The following RBM23 variants were observed in gnomAD, a reference collection of about 807,000 sequenced individuals.
The protein encoded by RBM23 is probable RNA-binding protein 23.
A neutral mutation model predicts 56.2 loss-of-function variants in RBM23; 53 were observed. That is an observed-to-expected ratio of 0.94 (90% confidence interval 0.76 to 1.19). The LOEUF (loss-of-function observed/expected upper bound fraction) is 1.19. Among genes scored for constraint, RBM23 ranks in the 50% most tolerant of loss-of-function variants. The pLI, the probability that RBM23 is intolerant of heterozygous loss-of-function variation, is 0.00. For missense variants in RBM23, 642 were observed against 590.3 expected, an observed-to-expected ratio of 1.09 and a Z score of -0.91; for synonymous variants, 197 against 198.5, an observed-to-expected ratio of 0.99 and a Z score of 0.06.
intron 4 of RBM23, among the ~76,000 whole-genome samples, chr14:22,907,007 C>T (rs2041690073): frequency 6.6e-6 from 1 of 152,204 alleles, no homozygotes; most frequent in Non-Finnish European, 1.5e-5. Flanking sequence ...AACCCCATCT[C>T]TACCAGAAAT....
chr14:22,914,839 C>T (rs2043201508), intron 1 of RBM23, among the ~76,000 whole-genome samples: 1 of 151,426 alleles, frequency 6.6e-6, no homozygotes, highest in Non-Finnish European at 1.5e-5. Context: ...AAAAATTAGC[C>T]GGGCATGGTG....
At chr14:22,911,770 G>A (rs1183101546) in intron 1 of RBM23, 2 of 160,092 alleles carry the variant, frequency 1.2e-5, no homozygotes, top group Non-Finnish European at 2.8e-5. Flanking sequence ...AATTAGCTGG[G>A]TGTGGTGGCA....
intron 1 of RBM23, among the ~76,000 whole-genome samples, chr14:22,916,344 C>A (rs1469819471): frequency 6.6e-6 from 1 of 151,694 alleles, no homozygotes; most frequent in African/African-American, 2.4e-5. Flanking sequence ...GCAACCTCTG[C>A]CTCTCTAGCT....
In RBM23 at chr14:22,901,593, G is replaced by A; in HGVS notation, c.*137C>T. 8 of 1,287,806 alleles carry A rather than the reference G, an allele frequency of 6.2e-6. No individual in the cohort carries two copies. The highest frequency in any genetic ancestry group is 8.8e-6 in the Non-Finnish European group (8 of 906,954). 79.8% of individuals were successfully genotyped at this position (1,287,806 alleles called of 1,614,324 possible). On this transcript the variant is annotated 3_prime_UTR_variant, in exon 14 of 14. Coordinates refer to ENST00000359890, the MANE Select transcript of RBM23 (RefSeq NM_001077351.2). ...AGCTTTTCTTGGTATCTTAAGGGTG[G>A]CCCCAATTTCCTCAGAGACAATGTC...
chr14:22,905,218 C>A lies in RBM23; in HGVS notation c.602G>T (p.Arg201Leu). 2 of 1,614,150 alleles carry A rather than the reference C, an allele frequency of 1.2e-6. No individual in the cohort carries two copies. The highest frequency in any genetic ancestry group is 1.7e-6 in the Non-Finnish European group (2 of 1,180,028). ...AATGCCCTTAGAACGACGTGAGTTC[C>A]GATCTGAGATGATACGTACATCGCG... ...KVRDVRIISD[R>L]NSRRSKGIAY... The change falls in exon 8 of 14, where the codon CGG becomes CTG. Residue 201 changes from arginine (R) to leucine (L), a missense_variant. Physicochemically the swap from Arg to Leu is moderately radical, Grantham distance 102 (BLOSUM62 -2). Coordinates refer to ENST00000359890, the MANE Select transcript of RBM23 (RefSeq NM_001077351.2).
At chr14:22,901,931 T>G in intron 12 of RBM23, 48 bp from the exon 13 acceptor site, 1 of 1,612,930 alleles carries the variant, frequency 6.2e-7, no homozygotes, top group Non-Finnish European at 8.5e-7. Context: ...GCGCACTCCT[T>G]CTTTCCAGAC....
At chr14:22,913,857 A>G (rs1468265028) in intron 1 of RBM23, 1 of 151,764 alleles carries the variant, frequency 6.6e-6, no homozygotes. Context: ...TCAAAAAAAA[A>G]ATACAAAAAT....
Position 22,905,391 on chromosome 14 carries a change from A to G in RBM23, c.518T>C (p.Leu173Ser). 1 of 1,614,196 alleles carries G rather than the reference A, an allele frequency of 6.2e-7. No individual in the cohort carries two copies. The highest frequency in any genetic ancestry group is 8.5e-7 in the Non-Finnish European group (1 of 1,180,042). Residue 173 changes from leucine to serine, a missense_variant, in exon 7 of 14, where the codon TTA becomes TCA. Coordinates refer to ENST00000359890, the MANE Select transcript of RBM23 (RefSeq NM_001077351.2). ...ATCTCGAGGCCGAATTCGGGCAGCT[A>G]ACTGCATACAGAAAACTGTGCGGGC... ...RDARTVFCMQ[L>S]AARIRPRDLE...
intron 1 of RBM23, chr14:22,913,715 G>T (rs2042984515): frequency 6.6e-6 from 1 of 152,070 alleles, no homozygotes; most frequent in African/African-American, 2.4e-5. Flanking sequence ...CAGGCGTGGT[G>T]GCACGCACCT....
At position 22,908,334 on chromosome 14, in the gene RBM23, T is replaced by C. The variant is rs1241276813; in HGVS notation, c.226A>G (p.Ser76Gly). ...SHNKSRDRKR[S>G]RSRDRDRYRR... ...TGTGCCTGGCCCAGAATTACTGACC[T>C]GCGCTTTCTATCCCTGCTTTTATTA... The change falls in exon 4 of 14, where the codon AGT becomes GGT. Residue 76 changes from serine to glycine, a missense_variant and splice_region_variant. Transcript: ENST00000359890. 5.2e-6 allele frequency: 8 copies of C among 1,549,864 alleles called. No homozygotes were observed. Among genetic ancestry groups the C allele is most frequent in the Admixed American group, 3.9e-5 (2 of 50,964 alleles).
Position 22,899,065 on chromosome 14 carries a change from A to T in RBM23, c.*2665T>A, listed in dbSNP as rs1458276201. The T allele has an allele frequency of 6.6e-6, 1 of 152,170 alleles. No homozygotes were observed. Among genetic ancestry groups the T allele is most frequent in the Non-Finnish European group, 1.5e-5 (1 of 68,034 alleles). The allele number at this position is 152,170 out of a possible 1,614,324, so 9.4% of individuals were successfully genotyped here. On this transcript the variant is annotated 3_prime_UTR_variant, in exon 14 of 14. Coordinates refer to ENST00000359890, the MANE Select transcript of RBM23 (RefSeq NM_001077351.2). ...AACATCATGTGAGATCTAGGCCTGG[A>T]AGAATCAGAAATGCTGTGGTTTGAA...
At chr14:22,915,684 C>G (rs1202356406) in intron 1 of RBM23, among the ~76,000 whole-genome samples, 2 of 151,920 alleles carry the variant, frequency 1.3e-5, no homozygotes, top group Non-Finnish European at 2.9e-5. Context: ...TTAGTAGAGA[C>G]AAAGTTTCAC....
At chr14:22,904,175 AAGG>A in intron 10 of RBM23, 83 bp downstream of exon 10, 1 of 1,608,284 alleles carries the variant, frequency 6.2e-7, no homozygotes, top group East Asian at 2.2e-5. Flanking sequence ...ACAGTTCCTA[AAGG>A]AGGAGGATGA....
Position 22,901,730 on chromosome 14 carries a change from T to G in RBM23, c.1320A>C (p.Ter440TyrextTer66), listed in dbSNP as rs2040505957. ...GGAGGCAGTATACTGTGCCACTGAT[T>G]TACCTGTGGAAAGAAGAGGTAAATG... ...LSSLFTPQTM[*>Y] is the part of the protein sequence containing the mutation. Residue 440 changes from the stop codon to tyrosine, a stop_lost, in exon 14 of 14, where the codon TAA (stop) becomes TAC (tyrosine). Transcript: ENST00000359890. 1.9e-6 allele frequency: 3 copies of G among 1,613,322 alleles called. No individual in the cohort carries two copies. Among genetic ancestry groups the G allele is most frequent in the African/African-American group, 1.3e-5 (1 of 74,906 alleles).
rs2138877511 is a variant in RBM23 at position 22,901,467 on chromosome 14, T to C, written c.*263A>G. On this transcript the variant is annotated 3_prime_UTR_variant, in exon 14 of 14. Transcript: ENST00000359890. Reference sequence around the variant, plus strand: ...GGCAAGAAGGTAATCTCAGAGACGATACACATGGAGAAACAGGTATTCAAT... The same window carrying C: ...GGCAAGAAGGTAATCTCAGAGACGACACACATGGAGAAACAGGTATTCAAT... The C allele has an allele frequency of 6.8e-6, 4 of 587,358 alleles. No individual in the cohort carries two copies. The highest frequency in any genetic ancestry group is 1.2e-5 in the Non-Finnish European group (4 of 328,264). 36.4% of individuals were successfully genotyped at this position (587,358 alleles called of 1,614,324 possible). A position where few individuals can be genotyped will look rare whatever the true frequency, so the allele number is the denominator to read the frequency against.
chr14:22,910,271 G>A (rs1364884785), intron 2 of RBM23, among the ~76,000 whole-genome samples: 4 of 146,366 alleles, frequency 2.7e-5, no homozygotes, highest in Admixed American at 2.1e-4. Flanking sequence ...AGACCAGCCT[G>A]ACCAACATGG....
At chr14:22,905,304 T>C (rs757227207) in intron 7 of RBM23, 32 bp downstream of exon 7, 10 of 1,613,894 alleles carry the variant, frequency 6.2e-6, no homozygotes, top group Middle Eastern at 1.6e-4. Context: ...CAAGCTAAGC[T>C]ACTCAGAAGA....
rs926928370 is a variant in RBM23, at chr14:22,896,874, T to G, written c.*4856A>C. On this transcript the variant is annotated 3_prime_UTR_variant, in exon 14 of 14. Coordinates refer to ENST00000359890, the MANE Select transcript of RBM23 (RefSeq NM_001077351.2). ...AAGTTATGAGAGAGGGGAAAGGATG[T>G]CTGAAGCTAGAAGATTCAGATATGC... 1 of 152,178 alleles carries G rather than the reference T, an allele frequency of 6.6e-6. No individual in the cohort carries two copies. Among genetic ancestry groups the G allele is most frequent in the Non-Finnish European group, 1.5e-5 (1 of 68,030 alleles). 9.4% of individuals were successfully genotyped at this position (152,178 alleles called of 1,614,324 possible).
In RBM23 at chr14:22,900,883, A is replaced by G. The variant is rs1454169552; in HGVS notation, c.*847T>C. 6.6e-6 allele frequency: 1 copy of G among 152,144 alleles called. No individual in the cohort carries two copies. Among genetic ancestry groups the G allele is most frequent in the Admixed American group, 6.6e-5 (1 of 15,266 alleles). 9.4% of individuals were successfully genotyped at this position (152,144 alleles called of 1,614,324 possible). ...GCCCAGGTAAGGGATGGGAGTAGCT[A>G]TAATTGCCAGGGTTGAGGCCACAGT... is the stretch of plus-strand genomic sequence containing the variant. On this transcript the variant is annotated 3_prime_UTR_variant, in exon 14 of 14. Coordinates refer to ENST00000359890, the MANE Select transcript of RBM23 (RefSeq NM_001077351.2).
Sources: gnomAD v4.1 joint callset for allele counts (sites outside exome capture counted in the v4.1 genomes callset) on GRCh38, gnomAD v4.1.1 for gene constraint, MANE v1.5 for transcripts, NCBI Gene and HGNC (gene_info 2026-07-23, HGNC 2026-07-21) for gene names.